SIK2: variants seen among roughly 807,000 people sequenced by gnomAD.
SIK2 encodes serine/threonine-protein kinase SIK2.
A neutral mutation model predicts 103.2 loss-of-function variants in SIK2; 29 were observed. That is an observed-to-expected ratio of 0.28 (90% CI 0.21 to 0.38). The LOEUF (loss-of-function observed/expected upper bound fraction) is 0.38. SIK2 is among the 10% of genes least tolerant of loss of function. The pLI is 1.00. For missense variants in SIK2, 879 were observed against 1,171.0 expected (o/e 0.75, Z 3.64); for synonymous variants, 412 against 446.1 (o/e 0.92, Z 0.96).
intron 3 of SIK2, among the ~76,000 whole-genome samples, chr11:111,636,509 G>A (rs1169612696): frequency 6.6e-6 from 1 of 152,196 alleles, no homozygotes; most frequent in Non-Finnish European, 1.5e-5. Context: ...ACTTTAGTGA[G>A]AGTGTTTTAA....
At position 111,727,247 on chromosome 11, in the gene SIK2, G is replaced by T. The variant is rs1251233729; in HGVS notation, c.*3118G>T. ...AATCCCTGCGTGGGAGAGCATCAGG[G>T]CCCACCAGGGGAGTGGGGATGGGGC... On this transcript the variant is annotated 3_prime_UTR_variant, in exon 15 of 15. Transcript: ENST00000304987. 3.3e-6 allele frequency: 2 copies of T among 606,744 alleles called. No homozygotes were observed. The highest frequency in any genetic ancestry group is 5.9e-6 in the Non-Finnish European group (2 of 340,430). The allele number at this position is 606,744 out of a possible 1,614,324, so 37.6% of individuals were successfully genotyped here.
At chr11:111,708,728 T>G in intron 8 of SIK2, among the ~76,000 whole-genome samples, 1 of 151,952 alleles carries the variant, frequency 6.6e-6, no homozygotes, top group South Asian at 2.1e-4. Flanking sequence ...GGACCACAAG[T>G]GCATGCCACC....
chr11:111,644,822 A>G (rs562235999), intron 3 of SIK2, among the ~76,000 whole-genome samples: 193 of 152,328 alleles, frequency 1.3e-3, no homozygotes, highest in African/African-American at 4.4e-3. Context: ...CATTTTTTAT[A>G]TATAACATAA....
At position 111,657,681 on chromosome 11, in the gene SIK2, G is replaced by C. The variant is rs186377867; in HGVS notation, c.317-30320G>C. ...TGGGATTACAGGCATGAGCCACCAT[G>C]CCTGGCCAGAGTAGAAGTAATAGAT... On this transcript the variant is annotated intron_variant, in intron 3 of 14. Transcript: ENST00000304987. Among the ~76,000 whole-genome samples the C allele has an allele frequency of 6.6e-3, 1,001 of 152,244 alleles. 8 individuals carry two copies. The highest frequency in any genetic ancestry group is 0.055 in the Middle Eastern group (16 of 292).
intron 3 of SIK2, among the ~76,000 whole-genome samples, chr11:111,682,768 A>G (rs1183002812): frequency 6.6e-6 from 1 of 152,216 alleles, no homozygotes; most frequent in Non-Finnish European, 1.5e-5. Flanking sequence ...GAAACAATGT[A>G]TTTATTAGGA....
chr11:111,628,743 GCTGA>G (rs887948538), intron 3 of SIK2, among the ~76,000 whole-genome samples: 4 of 151,974 alleles, frequency 2.6e-5, no homozygotes, highest in African/African-American at 9.7e-5. Flanking sequence ...ATTTATTTTA[GCTGA>G]CTAATTTAAA....
chr11:111,720,755 C>T lies in SIK2; in HGVS notation c.1773C>T (p.Leu591=), dbSNP rs1943774798. 4.4e-6 allele frequency: 7 copies of T among 1,588,858 alleles called. No individual in the cohort carries two copies. Among genetic ancestry groups the T allele is most frequent in the Non-Finnish European group, 6.0e-6 (7 of 1,168,046 alleles). The change falls in exon 11 of 15, where the codon CTC becomes CTT. Residue 591 remains leucine, a synonymous_variant. Transcript: ENST00000304987. ...GCCGCAGAGCATCAGATACCTCCCT[C>T]ACCCAGGGTGAGCACTTCCTCCTCT... ...REGRRASDTS[L]TQGIVAFRQH...
rs1219917612 is a variant in SIK2, at chr11:111,602,486, T to A, written c.-78T>A. 21 of 1,371,062 alleles carry A rather than the reference T, an allele frequency of 1.5e-5. No homozygotes were observed. Among genetic ancestry groups the A allele is most frequent in the African/African-American group, 3.0e-5 (2 of 65,836 alleles). 84.9% of individuals were successfully genotyped at this position (1,371,062 alleles called of 1,614,324 possible). On this transcript the variant is annotated 5_prime_UTR_variant, in exon 1 of 15. Coordinates refer to ENST00000304987, the MANE Select transcript of SIK2 (RefSeq NM_015191.3). The surrounding 1 kb of genome is among the most constrained non-coding windows in gnomAD (Gnocchi z 4.5). ...AGCGAAGGAGCAAGCGGAGCGGCCGTCGCCCAAGCCAAGCCGCGCTGCCAA... is the reference window on the plus strand; with the variant it reads ...AGCGAAGGAGCAAGCGGAGCGGCCGACGCCCAAGCCAAGCCGCGCTGCCAA...
chr11:111,612,583 G>T (rs1409639664), intron 1 of SIK2, among the ~76,000 whole-genome samples: 1 of 152,094 alleles, frequency 6.6e-6, no homozygotes, highest in East Asian at 1.9e-4. Flanking sequence ...ACCACTTCCA[G>T]CCCTGGCCCA....
chr11:111,722,639 C>T lies in SIK2; in HGVS notation c.2056-26C>T. On this transcript the variant is annotated intron_variant, in intron 13 of 14. Coordinates refer to ENST00000304987, the MANE Select transcript of SIK2 (RefSeq NM_015191.3). This position sits in a 1 kb window ranked among gnomAD's most constrained non-coding sequence, Gnocchi z 4.4. ...TCCTAGGTGACAGCACATTGTCACG[C>T]TCATGTTGTTTTTCTGCTCTTCCAG... The T allele has an allele frequency of 6.2e-7, 1 of 1,606,946 alleles. No individual in the cohort carries two copies. Among genetic ancestry groups the T allele is most frequent in the Non-Finnish European group, 8.5e-7 (1 of 1,175,246 alleles).
intron 3 of SIK2, among the ~76,000 whole-genome samples, chr11:111,685,345 C>T (rs998881372): frequency 2.0e-5 from 3 of 152,198 alleles, no homozygotes; most frequent in Admixed American, 6.5e-5. Context: ...GTCCGTGACC[C>T]AGGGGTTGAG....
chr11:111,650,659 T>C (rs963096534), intron 3 of SIK2, among the ~76,000 whole-genome samples: 4 of 152,200 alleles, frequency 2.6e-5, no homozygotes, highest in South Asian at 4.1e-4. Flanking sequence ...ATACCTCTTA[T>C]AATTCAAACA....
chr11:111,612,891 C>T (rs1427252761), intron 1 of SIK2, among the ~76,000 whole-genome samples: 2 of 135,452 alleles, frequency 1.5e-5, no homozygotes, highest in Non-Finnish European at 3.1e-5. Context: ...CTGTAATAGC[C>T]TTAGAAACAA....
chr11:111,674,159 C>T (rs780564153), intron 3 of SIK2, among the ~76,000 whole-genome samples: 49 of 151,922 alleles, frequency 3.2e-4, no homozygotes, highest in Non-Finnish European at 5.6e-4. Flanking sequence ...AAGGTGATGG[C>T]CCAGGAGCTG....
At chr11:111,655,889 A>G (rs1942385188) in intron 3 of SIK2, among the ~76,000 whole-genome samples, 1 of 152,092 alleles carries the variant, frequency 6.6e-6, no homozygotes, top group Non-Finnish European at 1.5e-5. Context: ...ATGTTTATTA[A>G]GAGATTGAGA....
chr11:111,678,746 C>T (rs1382985003), intron 3 of SIK2, among the ~76,000 whole-genome samples: 2 of 152,130 alleles, frequency 1.3e-5, no homozygotes, highest in Non-Finnish European at 2.9e-5. Context: ...TTATTTGATG[C>T]TGCAGACAGC....
chr11:111,656,948 A>G (rs10891283), intron 3 of SIK2, among the ~76,000 whole-genome samples: 92,328 of 152,136 alleles, frequency 0.61, 31,230 homozygotes, highest in East Asian at 0.96. Context: ...AAACCTCAGT[A>G]TGCTCTTTGT....
chr11:111,631,582 G>A (rs1942039356), intron 3 of SIK2, among the ~76,000 whole-genome samples: 1 of 152,074 alleles, frequency 6.6e-6, no homozygotes, highest in Non-Finnish European at 1.5e-5. Flanking sequence ...CTTATGAGCT[G>A]GAATAATAGA....
At chr11:111,672,205 C>T in intron 3 of SIK2, 1 of 400,324 alleles carries the variant, frequency 2.5e-6, no homozygotes, top group Non-Finnish European at 4.7e-6. Context: ...GATGCCCCCC[C>T]ATACCACTGG....
Sources: gnomAD v4.1 joint callset for allele counts (sites outside exome capture counted in the v4.1 genomes callset) on GRCh38, gnomAD v4.1.1 for gene constraint, Gnocchi (gnomAD v3.1) non-coding constraint, MANE v1.5 for transcripts, NCBI Gene and HGNC (gene_info 2026-07-23, HGNC 2026-07-21) for gene names.